Variants in LRP1B observed in about 807,000 individuals in gnomAD.
LRP1B encodes LDL receptor related protein 1B.
A neutral mutation model predicts 556.6 loss-of-function variants in LRP1B; 217 were observed. The ratio of observed to expected loss-of-function variants is 0.39; its 90% CI spans 0.35 to 0.44. LRP1B has a LOEUF of 0.44. Ranked by LOEUF, LRP1B falls within the 20% of genes least tolerant of loss-of-function variation. The pLI is 1.00. For synonymous variants in LRP1B, 2,047 were observed against 1,865.8 expected (o/e 1.10, Z -2.50); for missense variants, 5,053 against 5,620.8 (o/e 0.90, Z 3.23).
chr2:140,376,097 A>G (rs895961758), intron 68 of LRP1B, among the ~76,000 whole-genome samples: 4 of 152,138 alleles, frequency 2.6e-5, no homozygotes, highest in African/African-American at 9.6e-5. Context: ...AGACTGCACT[A>G]AACATCTATA....
At chr2:141,059,173 T>A in intron 8 of LRP1B, 119 bp from the exon 9 acceptor site, 1 of 625,626 alleles carries the variant, frequency 1.6e-6, no homozygotes, top group Non-Finnish European at 2.6e-6. Context: ...CGCAAGGATG[T>A]TATTTACTTT....
Position 141,545,937 on chromosome 2 carries a change from T to A in LRP1B, c.206-65404A>T, listed in dbSNP as rs963762141. On this transcript the variant is annotated intron_variant, in intron 2 of 90. Coordinates refer to ENST00000389484, the MANE Select transcript of LRP1B (RefSeq NM_018557.3). The stretch of plus-strand genomic sequence containing the variant: ...GTGGAACACGTGTTGAACTTCTGAC[T>A]TAGCAAAGAGTAAAATTACATATTT... Among the ~76,000 whole-genome samples the A allele has an allele frequency of 3.3e-5, 5 of 152,158 alleles. No individual in the cohort carries two copies. In the East Asian group the frequency reaches 9.6e-4, roughly 29 times the overall value.
At chr2:141,375,280 T>C (rs1376044426) in intron 3 of LRP1B, among the ~76,000 whole-genome samples, 1 of 152,172 alleles carries the variant, frequency 6.6e-6, no homozygotes, top group East Asian at 1.9e-4. Flanking sequence ...TTTGGCTGAG[T>C]GTGCCTGTTT....
intron 1 of LRP1B, among the ~76,000 whole-genome samples, chr2:141,862,595 G>C (rs1300517905): frequency 6.6e-6 from 1 of 152,144 alleles, no homozygotes; most frequent in African/African-American, 2.4e-5. Flanking sequence ...TTTTAGTAGA[G>C]ACGGGGTTTC....
chr2:140,705,491 T>TCC (rs1686797530), intron 37 of LRP1B, among the ~76,000 whole-genome samples: 1 of 116,830 alleles, frequency 8.6e-6, no homozygotes, highest in Non-Finnish European at 1.6e-5. Flanking sequence ...ACCATTGCAC[T>TCC]CCAGCATGGG....
intron 2 of LRP1B, among the ~76,000 whole-genome samples, chr2:141,506,004 G>A (rs12993733): frequency 0.12 from 17,617 of 151,960 alleles, 1,146 homozygotes; most frequent in African/African-American, 0.17. Flanking sequence ...AGACTGCCTC[G>A]TAACCCAGCT....
At chr2:141,154,256 A>G (rs1375298932) in intron 7 of LRP1B, among the ~76,000 whole-genome samples, 1 of 151,898 alleles carries the variant, frequency 6.6e-6, no homozygotes, top group Non-Finnish European at 1.5e-5. Flanking sequence ...AACATCTCAC[A>G]TCTTGAATTT....
At chr2:141,473,775 T>C (rs550355404) in intron 3 of LRP1B, among the ~76,000 whole-genome samples, 1 of 152,194 alleles carries the variant, frequency 6.6e-6, no homozygotes. Context: ...AAGCTCAGTG[T>C]TGATGACAGA....
intron 7 of LRP1B, among the ~76,000 whole-genome samples, chr2:141,166,858 A>G (rs1680287264): frequency 1.4e-5 from 2 of 144,868 alleles, no homozygotes; most frequent in African/African-American, 5.1e-5. Context: ...TTGATTTAAT[A>G]ACTGGAAAAC....
rs1428608958 is a variant in LRP1B at position 140,874,603 on chromosome 2, A to G, written c.4170-6340T>C. Among the ~76,000 whole-genome samples, 4 of 151,772 alleles carry G rather than the reference A, an allele frequency of 2.6e-5. No homozygotes were observed. The East Asian group carries it at 7.7e-4, about 29-fold the overall frequency. ...TTATTAAGTTTTGGTTTGCTTAGGA[A>G]AAAAACTAAGATTAATTTTTCTTTT... On this transcript the variant is annotated intron_variant, in intron 25 of 90. Coordinates refer to ENST00000389484, the MANE Select transcript of LRP1B (RefSeq NM_018557.3).
chr2:142,001,413 C>G (rs762108336), intron 1 of LRP1B, among the ~76,000 whole-genome samples: 1 of 152,112 alleles, frequency 6.6e-6, no homozygotes, highest in Non-Finnish European at 1.5e-5. Flanking sequence ...CCAATAAAGT[C>G]TCGTGAAGTA....
chr2:140,715,746 C>T (rs1023431031), intron 37 of LRP1B, among the ~76,000 whole-genome samples: 39 of 151,968 alleles, frequency 2.6e-4, no homozygotes, highest in African/African-American at 8.7e-4. Flanking sequence ...CATGTTGGTG[C>T]CTTTATTTGG....
intron 1 of LRP1B, among the ~76,000 whole-genome samples, chr2:142,000,648 CA>C (rs1012016249): frequency 2.0e-5 from 3 of 152,098 alleles, no homozygotes; most frequent in African/African-American, 7.2e-5. Flanking sequence ...ATAGTGTTAA[CA>C]ATAGTATCTA....
chr2:140,308,740 T>C (rs1414641015), intron 83 of LRP1B, among the ~76,000 whole-genome samples: 1 of 151,884 alleles, frequency 6.6e-6, no homozygotes, highest in East Asian at 1.9e-4. Context: ...AATAGCAGTA[T>C]TTAAGTGACA....
intron 86 of LRP1B, among the ~76,000 whole-genome samples, chr2:140,268,213 C>A (rs1259072509): frequency 2.0e-5 from 3 of 151,934 alleles, no homozygotes; most frequent in Non-Finnish European, 4.4e-5. Flanking sequence ...TATACTAACT[C>A]TGAAATGTTA....
intron 43 of LRP1B, chr2:140,586,627 C>T (rs1268685415): frequency 6.6e-6 from 1 of 152,306 alleles, no homozygotes; most frequent in Non-Finnish European, 1.5e-5. Flanking sequence ...TGAACTCCCA[C>T]TCTTCATCCA....
intron 66 of LRP1B, among the ~76,000 whole-genome samples, chr2:140,397,743 GT>G (rs1415924357): frequency 2.0e-5 from 3 of 151,764 alleles, no homozygotes; most frequent in Admixed American, 1.3e-4. Flanking sequence ...CTTGTGTTTT[GT>G]TTTTTCCAAT....
chr2:141,251,567 G>T (rs1684261715), intron 4 of LRP1B, among the ~76,000 whole-genome samples: 1 of 152,102 alleles, frequency 6.6e-6, no homozygotes, highest in Admixed American at 6.6e-5. Flanking sequence ...TGGAAATGTA[G>T]TGCTTAAAGG....
chr2:141,009,012 C>T (rs184877664), intron 14 of LRP1B, among the ~76,000 whole-genome samples: 5 of 151,952 alleles, frequency 3.3e-5, no homozygotes, highest in Non-Finnish European at 5.9e-5. Context: ...CAGAAATCAG[C>T]GCAAAAGAAT....
Sources: allele counts gnomAD v4.1 joint callset (sites outside exome capture counted in the v4.1 genomes callset), GRCh38; gene constraint gnomAD v4.1.1; transcripts MANE v1.5; gene names NCBI Gene and HGNC (gene_info 2026-07-23, HGNC 2026-07-21).